SBF2: variants seen among roughly 807,000 people sequenced by gnomAD.
SBF2 encodes the protein SET binding factor 2.
A neutral mutation model predicts 225.2 loss-of-function variants in SBF2; 112 were observed. The observed-to-expected ratio is 0.50, with a 90% CI of 0.43 to 0.58. The LOEUF (loss-of-function observed/expected upper bound fraction) is 0.58. SBF2 is among the 20% of genes least tolerant of loss of function. The pLI is 0.00. For missense variants in SBF2, 1,996 were observed against 2,206.2 expected (o/e 0.90, Z 1.91); for synonymous variants, 763 against 773.3 (o/e 0.99, Z 0.22).
At chr11:9,977,198 T>A (rs1279501517) in intron 13 of SBF2, among the ~76,000 whole-genome samples, 2 of 152,092 alleles carry the variant, frequency 1.3e-5, no homozygotes, top group Non-Finnish European at 2.9e-5. Flanking sequence ...TCAAGAATCA[T>A]AGAGGCCAGG....
In SBF2 at chr11:9,845,797, C is replaced by A; in HGVS notation, c.2935-57G>T. The A allele has an allele frequency of 2.6e-6, 4 of 1,517,474 alleles. 1 individual carries two copies. Among genetic ancestry groups the A allele is most frequent in the South Asian group, 1.1e-5 (1 of 89,082 alleles). The allele number at this position is 1,517,474 out of a possible 1,614,324, so 94.0% of individuals were successfully genotyped here. On this transcript the variant is annotated intron_variant, in intron 23 of 39. Transcript: ENST00000256190. ...GCATTAAGGATTTCCTGGCAACTTT[C>A]CCCCAAACAACAGAATATAATAACA... is the stretch of plus-strand genomic sequence containing the variant.
intron 16 of SBF2, among the ~76,000 whole-genome samples, chr11:9,954,213 C>G (rs918123743): frequency 6.6e-5 from 10 of 152,132 alleles, no homozygotes; most frequent in African/African-American, 2.2e-4. Flanking sequence ...ATAGGAAAGA[C>G]AGAAGAATAA....
intron 2 of SBF2, among the ~76,000 whole-genome samples, chr11:10,110,993 T>C (rs535077680): frequency 1.3e-5 from 2 of 152,150 alleles, no homozygotes. Flanking sequence ...GATATACACA[T>C]ACGACCACAT....
Position 9,925,313 on chromosome 11 carries a change from G to A in SBF2, c.1861-29302C>T, listed in dbSNP as rs190613502. Among the ~76,000 whole-genome samples, 381 of 152,052 alleles carry A rather than the reference G, an allele frequency of 2.5e-3. 1 individual carries two copies. Among genetic ancestry groups the A allele is most frequent in the African/African-American group, 8.7e-3 (359 of 41,486 alleles). ...ATATATATATATATTTTTAGATGGA[G>A]TTTTGCTCTTGGAGTGCAATGGTGC... On this transcript the variant is annotated intron_variant, in intron 16 of 39. Transcript: ENST00000256190.
intron 17 of SBF2, among the ~76,000 whole-genome samples, chr11:9,890,465 G>A (rs1860710360): frequency 6.6e-6 from 1 of 152,180 alleles, no homozygotes. Flanking sequence ...TCCTGAGAAT[G>A]AGTGTCTGAA....
rs574694562 is a variant in SBF2, at chr11:10,178,852, C to T, written c.141+15050G>A. ...AGCCATCCCATTACTGGGTATATAC[C>T]CAAAGGACTATAAATCATGCTGCTA... On this transcript the variant is annotated intron_variant, in intron 2 of 39. Coordinates refer to ENST00000256190, the MANE Select transcript of SBF2 (RefSeq NM_030962.4). Among the ~76,000 whole-genome samples, 908 of 148,934 alleles carry T rather than the reference C, an allele frequency of 6.1e-3. 7 individuals are homozygous for T. The highest frequency in any genetic ancestry group is 0.021 in the African/African-American group (863 of 40,218).
At chr11:10,011,015 TCA>T (rs748197150) in intron 6 of SBF2, among the ~76,000 whole-genome samples, 10 of 152,306 alleles carry the variant, frequency 6.6e-5, no homozygotes, top group Non-Finnish European at 1.3e-4. Context: ...GAATGGGAGT[TCA>T]CTCATGATTT....
intron 28 of SBF2, chr11:9,828,691 T>C (rs1233472307): frequency 6.3e-6 from 6 of 950,432 alleles, no homozygotes; most frequent in Non-Finnish European, 7.5e-6. Flanking sequence ...TGAAAACAAA[T>C]TGTACTGAAA....
At chr11:9,934,424 G>A (rs1353981068) in intron 16 of SBF2, among the ~76,000 whole-genome samples, 1 of 152,122 alleles carries the variant, frequency 6.6e-6, no homozygotes, top group Non-Finnish European at 1.5e-5. Context: ...CCAATCAATA[G>A]AAAAAGAGGG....
At chr11:10,054,522 C>T (rs941316211) in intron 2 of SBF2, among the ~76,000 whole-genome samples, 1 of 151,884 alleles carries the variant, frequency 6.6e-6, no homozygotes, top group Admixed American at 6.6e-5. Context: ...ACTAAGGCCC[C>T]GAAAGTAAAT....
chr11:10,196,864 A>ATT (rs1464688140), intron 1 of SBF2, among the ~76,000 whole-genome samples: 1,267 of 61,860 alleles, frequency 0.02, 33 homozygotes, highest in East Asian at 0.075. Flanking sequence ...ATATATATAT[A>ATT]TATTTTTTTT....
intron 22 of SBF2, among the ~76,000 whole-genome samples, chr11:9,848,442 G>A (rs555514823): frequency 9.1e-4 from 139 of 152,186 alleles, no homozygotes; most frequent in Non-Finnish European, 1.5e-3. Context: ...AATTTGAAAG[G>A]AAAAGGCAGA....
chr11:9,881,743 C>T (rs1037285570), intron 17 of SBF2, among the ~76,000 whole-genome samples: 6 of 151,926 alleles, frequency 3.9e-5, no homozygotes, highest in Non-Finnish European at 5.9e-5. Flanking sequence ...CCCATCCCCC[C>T]CCAATTAAAC....
intron 16 of SBF2, among the ~76,000 whole-genome samples, chr11:9,933,418 G>T (rs1376703563): frequency 3.3e-5 from 5 of 152,054 alleles, no homozygotes; most frequent in Non-Finnish European, 5.9e-5. Flanking sequence ...AGTAAAGCAT[G>T]CCTCAGCAAA....
intron 1 of SBF2, among the ~76,000 whole-genome samples, chr11:10,258,262 A>T (rs1462396956): frequency 6.6e-6 from 1 of 151,938 alleles, no homozygotes; most frequent in Non-Finnish European, 1.5e-5. Flanking sequence ...GCACTACCAC[A>T]TCTAGCTAAT....
At chr11:10,026,912 T>G (rs889776028) in intron 6 of SBF2, among the ~76,000 whole-genome samples, 5 of 152,160 alleles carry the variant, frequency 3.3e-5, no homozygotes, top group African/African-American at 9.7e-5. Flanking sequence ...ATTTTAAGGC[T>G]TAACTATGCT....
chr11:9,805,890 G>A (rs1190725653), intron 32 of SBF2, among the ~76,000 whole-genome samples: 1 of 152,162 alleles, frequency 6.6e-6, no homozygotes, highest in Admixed American at 6.5e-5. Flanking sequence ...CAAAGTGCTG[G>A]GATTACAGGC....
At chr11:9,962,146 T>TG in intron 15 of SBF2, 40 bp from the exon 16 acceptor site, 2 of 1,592,284 alleles carry the variant, frequency 1.3e-6, no homozygotes, top group Non-Finnish European at 8.6e-7. Flanking sequence ...ATGGTACCAC[T>TG]GGGGGAAACA....
rs1348497345 is a variant in SBF2 at position 9,787,840 on chromosome 11, C to A, written c.4933-102G>T. The A allele has an allele frequency of 9.2e-6, 9 of 981,588 alleles. No homozygotes were observed. The East Asian group carries it at 2.0e-4, about 22-fold the overall frequency. The allele number at this position is 981,588 out of a possible 1,614,324, so 60.8% of individuals were successfully genotyped here. On this transcript the variant is annotated intron_variant, in intron 35 of 39. Coordinates refer to ENST00000256190, the MANE Select transcript of SBF2 (RefSeq NM_030962.4). ...ACTAGGCCCAGATGAGCAGCATGGC[C>A]AGAGGGCAGTTGAGGAAAGTGGTGG...
Sources: allele counts gnomAD v4.1 joint callset (sites outside exome capture counted in the v4.1 genomes callset), GRCh38; gene constraint gnomAD v4.1.1; transcripts MANE v1.5; gene names NCBI Gene and HGNC (gene_info 2026-07-23, HGNC 2026-07-21).